CDK9: variants seen among roughly 807,000 people sequenced by gnomAD.
CDK9 encodes the protein cyclin-dependent kinase 9.
Under a neutral mutation model 39.0 loss-of-function variants are expected in CDK9, and 34 were observed. The ratio of observed to expected loss-of-function variants is 0.87; its 90% CI spans 0.66 to 1.16. The LOEUF (loss-of-function observed/expected upper bound fraction) is 1.16. Among genes scored for constraint, CDK9 ranks in the 50% most tolerant of loss-of-function variants. CDK9 has a pLI of 0.00. For missense variants in CDK9, 369 were observed against 503.2 expected (o/e 0.73, Z 2.55); for synonymous variants, 233 against 196.2 (o/e 1.19, Z -1.57).
intron 1 of CDK9, 80 bp downstream of exon 1, chr9:127,786,320 A>G: frequency 9.3e-7 from 1 of 1,075,068 alleles, no homozygotes; most frequent in Non-Finnish European, 1.4e-6. Flanking sequence ...GCCCCCCCCG[A>G]GTTGGTAGAG....
chr9:127,787,430 G>C (rs1829349999), intron 2 of CDK9, 88 bp from the exon 3 acceptor site: 2 of 801,670 alleles, frequency 2.5e-6, no homozygotes, highest in East Asian at 2.5e-5. Context: ...ATCTTGCTCT[G>C]TCTCCCAACT....
chr9:127,786,558 G>A lies in CDK9; in HGVS notation c.93-143G>A. 4.3e-6 allele frequency: 3 copies of A among 690,872 alleles called. No homozygotes were observed. The East Asian group carries it at 8.2e-5, about 19-fold the overall frequency. The allele number at this position is 690,872 out of a possible 1,614,324, so 42.8% of individuals were successfully genotyped here. ...CTCCGAACGAGACAGGCTGCCGGGT[G>A]GCGGGGTAGCCGCGTGCCCTGGGTA... On this transcript the variant is annotated intron_variant, in intron 1 of 6. Transcript: ENST00000373264.
At chr9:127,787,179 C>T (rs904576512) in intron 2 of CDK9, among the ~76,000 whole-genome samples, 6 of 152,218 alleles carry the variant, frequency 3.9e-5, no homozygotes, top group African/African-American at 1.4e-4. Context: ...AGTACAACTT[C>T]CCATAAACCT....
intron 1 of CDK9, 72 bp downstream of exon 1, chr9:127,786,312 C>CA: frequency 8.1e-7 from 1 of 1,239,410 alleles, no homozygotes; most frequent in Non-Finnish European, 1.2e-6. Context: ...ATGCCCGGGC[C>CA]CCCCCCGAGT....
chr9:127,787,872 A>G (rs1829359201), intron 3 of CDK9, 75 bp from the exon 4 acceptor site: 1 of 1,518,322 alleles, frequency 6.6e-7, no homozygotes, highest in East Asian at 2.3e-5. Flanking sequence ...TGGAGCAGGA[A>G]GAAAGAAGCT....
chr9:127,789,107 C>T lies in CDK9; in HGVS notation c.754-71C>T. On this transcript the variant is annotated intron_variant, in intron 6 of 6. Coordinates refer to ENST00000373264, the MANE Select transcript of CDK9 (RefSeq NM_001261.4). This position sits in a 1 kb window ranked among gnomAD's most constrained non-coding sequence, Gnocchi z 5.2. ...GAGCAGGTATTTTAGTCCTTTTAGGCCTTTATGAAGGGATAAGCCACGCAC... is the reference window on the plus strand; with the variant it reads ...GAGCAGGTATTTTAGTCCTTTTAGGTCTTTATGAAGGGATAAGCCACGCAC... The T allele has an allele frequency of 2.0e-6, 3 of 1,500,468 alleles. No individual in the cohort carries two copies. Among genetic ancestry groups the T allele is most frequent in the Non-Finnish European group, 2.7e-6 (3 of 1,125,734 alleles). 92.9% of individuals were successfully genotyped at this position (1,500,468 alleles called of 1,614,324 possible).
intron 1 of CDK9, 75 bp downstream of exon 1, chr9:127,786,315 C>CT: frequency 8.2e-7 from 1 of 1,223,886 alleles, no homozygotes; most frequent in Non-Finnish European, 1.2e-6. Flanking sequence ...CCCGGGCCCC[C>CT]CCCGAGTTGG....
Position 127,789,498 on chromosome 9 carries a change from C to G in CDK9, c.1074C>G (p.Arg358=). Residue 358 remains arginine (R), a synonymous_variant, in exon 7 of 7, where the codon CGC becomes CGG. Coordinates refer to ENST00000373264, the MANE Select transcript of CDK9 (RefSeq NM_001261.4). The surrounding 1 kb of genome is among the most constrained non-coding windows in gnomAD (Gnocchi z 5.2). ...CCCAGCAGTCCACCAACCAGAGTCG[C>G]AATCCCGCCACCACCAACCAGACGG... is the stretch of plus-strand genomic sequence containing the variant. ...QITQQSTNQS[R]NPATTNQTEF... is the part of the protein sequence containing the mutation. 1 of 1,614,172 alleles carries G rather than the reference C, an allele frequency of 6.2e-7. No individual in the cohort carries two copies. Among genetic ancestry groups the G allele is most frequent in the Non-Finnish European group, 8.5e-7 (1 of 1,180,034 alleles).
chr9:127,787,441 TGGCTGTCAGTACAGACCCCAG>T, intron 2 of CDK9, 56 bp from the exon 3 acceptor site: 1 of 892,186 alleles, frequency 1.1e-6, no homozygotes, highest in Non-Finnish European at 1.8e-6. Flanking sequence ...TCTCCCAACT[TGGCTGTCAGTACAGACCCCAG>T]GGCTGGGCTC....
chr9:127,786,618 C>A, intron 1 of CDK9, 83 bp from the exon 2 acceptor site: 3 of 1,233,646 alleles, frequency 2.4e-6, no homozygotes, highest in Non-Finnish European at 2.3e-6. Flanking sequence ...CTCTTTGCTG[C>A]TGCCCCTCCT....
At chr9:127,788,760 G>A (rs1474052035) in intron 6 of CDK9, 68 bp downstream of exon 6, 3 of 1,446,092 alleles carry the variant, frequency 2.1e-6, no homozygotes, top group African/African-American at 2.8e-5. Flanking sequence ...GTGGGGAGTA[G>A]AATGGAAGGA....
At position 127,787,929 on chromosome 9, in the gene CDK9, T is replaced by G; in HGVS notation, c.266-18T>G. 1 of 1,612,790 alleles carries G rather than the reference T, an allele frequency of 6.2e-7. No homozygotes were observed. The highest frequency in any genetic ancestry group is 8.5e-7 in the Non-Finnish European group (1 of 1,178,934). On this transcript the variant is annotated intron_variant, in intron 3 of 6. Coordinates refer to ENST00000373264, the MANE Select transcript of CDK9 (RefSeq NM_001261.4). ...GTGTGGTTTTCTTGACTTTTTCTTC[T>G]TTCTATTCCTGCCTCAGCTTCCCCC...
At chr9:127,787,706 C>G (rs922523630) in intron 3 of CDK9, 98 bp downstream of exon 3, 1 of 964,682 alleles carries the variant, frequency 1.0e-6, no homozygotes, top group Non-Finnish European at 1.7e-6. Context: ...CTTCTTAACT[C>G]AGATGGACCC....
rs767241242 is a variant in CDK9 at position 127,786,793 on chromosome 9, A to G, written c.174+11A>G. 1 of 1,612,876 alleles carries G rather than the reference A, an allele frequency of 6.2e-7. No individual in the cohort carries two copies. Among genetic ancestry groups the G allele is most frequent in the South Asian group, 1.1e-5 (1 of 90,902 alleles). ...AACGAGAAGGAGGGGGTGAGTACGG[A>G]TCGGGCGTGCGGGCCGGCCGGCTAA... On this transcript the variant is annotated intron_variant, in intron 2 of 6. Transcript: ENST00000373264.
chr9:127,786,095 G>A lies in CDK9; in HGVS notation c.-54G>A, dbSNP rs753378672. The A allele has an allele frequency of 2.1e-6, 3 of 1,405,416 alleles. No homozygotes were observed. The highest frequency in any genetic ancestry group is 1.5e-5 in the African/African-American group (1 of 67,052). The allele number at this position is 1,405,416 out of a possible 1,614,324, so 87.1% of individuals were successfully genotyped here. A position where few individuals can be genotyped will look rare whatever the true frequency, so the allele number is the denominator to read the frequency against. ...GAGTGCGGCGGCGGCGGGACCCGGA[G>A]CAGGAGCGGCGGCAGCAGCGACTGG... is the stretch of plus-strand genomic sequence containing the variant. On this transcript the variant is annotated 5_prime_UTR_variant, in exon 1 of 7. Transcript: ENST00000373264.
chr9:127,788,705 G>A lies in CDK9; in HGVS notation c.753+13G>A, dbSNP rs749487652. On this transcript the variant is annotated intron_variant, in intron 6 of 6. Coordinates refer to ENST00000373264, the MANE Select transcript of CDK9 (RefSeq NM_001261.4). ...CATCACCCCTGAGGTACGGGGCCCCGGTCCCCACGGGGTGCAGAGATCGAG... is the reference window on the plus strand; with the variant it reads ...CATCACCCCTGAGGTACGGGGCCCCAGTCCCCACGGGGTGCAGAGATCGAG... The A allele has an allele frequency of 5.7e-6, 9 of 1,579,538 alleles. No individual in the cohort carries two copies. Among genetic ancestry groups the A allele is most frequent in the South Asian group, 2.3e-5 (2 of 85,638 alleles).
At chr9:127,786,978 G>A (rs1234530691) in intron 2 of CDK9, among the ~76,000 whole-genome samples, 196 bp downstream of exon 2, 1 of 152,214 alleles carries the variant, frequency 6.6e-6, no homozygotes, top group Non-Finnish European at 1.5e-5. Context: ...GGCCAGGAGG[G>A]GGAGTTGATG....
At chr9:127,788,775 T>G in intron 6 of CDK9, 83 bp downstream of exon 6, 2 of 1,379,332 alleles carry the variant, frequency 1.4e-6, no homozygotes, top group Admixed American at 2.7e-5. Context: ...GAAGGAGCGC[T>G]CCTCTCTGGA....
rs1037351998 is a variant in CDK9 at position 127,789,635 on chromosome 9, C to T, written c.*92C>T. 16 of 1,470,744 alleles carry T rather than the reference C, an allele frequency of 1.1e-5. No individual in the cohort carries two copies. The African/African-American group carries it at 1.5e-4, about 14-fold the overall frequency. 91.1% of individuals were successfully genotyped at this position (1,470,744 alleles called of 1,614,324 possible). A position where few individuals can be genotyped will look rare whatever the true frequency, so the allele number is the denominator to read the frequency against. Reference sequence around the variant, plus strand: ...ACAGGGCATTTGAGTTTATATCTCTCATGCATATTTTATTTAATCCCCACC... The same window carrying T: ...ACAGGGCATTTGAGTTTATATCTCTTATGCATATTTTATTTAATCCCCACC... On this transcript the variant is annotated 3_prime_UTR_variant, in exon 7 of 7. Transcript: ENST00000373264. This position sits in a 1 kb window ranked among gnomAD's most constrained non-coding sequence, Gnocchi z 5.2.
Sources: allele counts gnomAD v4.1 joint callset (sites outside exome capture counted in the v4.1 genomes callset), GRCh38; gene constraint gnomAD v4.1.1; non-coding constraint Gnocchi (gnomAD v3.1); transcripts MANE v1.5; gene names NCBI Gene and HGNC (gene_info 2026-07-23, HGNC 2026-07-21).